PLPPR5: variants seen among roughly 807,000 people sequenced by gnomAD.
The protein encoded by PLPPR5 is phospholipid phosphatase related 5.
A neutral mutation model predicts 33.9 loss-of-function variants in PLPPR5; 16 were observed. The ratio of observed to expected loss-of-function variants is 0.47; its 90% CI spans 0.32 to 0.72. The LOEUF is 0.72. Among genes scored for constraint, PLPPR5 ranks in the 30% least tolerant of loss-of-function variants. The pLI is 0.03. For missense variants in PLPPR5, 301 were observed against 406.7 expected, an observed-to-expected ratio of 0.74 and a Z score of 2.23; for synonymous variants, 163 against 150.3, an observed-to-expected ratio of 1.08 and a Z score of -0.62.
At chr1:98,893,798 T>G (rs1648371956) in intron 5 of PLPPR5, among the ~76,000 whole-genome samples, 1 of 151,924 alleles carries the variant, frequency 6.6e-6, no homozygotes, top group African/African-American at 2.4e-5. Context: ...TATGTCAAGA[T>G]CTAATATGAC....
At chr1:98,957,084 G>A (rs1651037605) in intron 1 of PLPPR5, among the ~76,000 whole-genome samples, 1 of 148,698 alleles carries the variant, frequency 6.7e-6, no homozygotes, top group African/African-American at 2.5e-5. Flanking sequence ...ACTATCGCAA[G>A]AACAAAAAAC....
intron 1 of PLPPR5, among the ~76,000 whole-genome samples, chr1:98,972,464 A>C (rs1036967672): frequency 3.9e-5 from 6 of 152,090 alleles, no homozygotes; most frequent in African/African-American, 1.4e-4. Flanking sequence ...GTAAAACAAT[A>C]TGAAAGTGAA....
chr1:98,970,437 G>T (rs935434035), intron 1 of PLPPR5, among the ~76,000 whole-genome samples: 2 of 151,824 alleles, frequency 1.3e-5, no homozygotes, highest in Non-Finnish European at 2.9e-5. Context: ...CAATTTAAGG[G>T]TTTCTAATAC....
chr1:98,916,523 T>C (rs1320031854), intron 4 of PLPPR5, among the ~76,000 whole-genome samples: 1 of 152,260 alleles, frequency 6.6e-6, no homozygotes, highest in Non-Finnish European at 1.5e-5. Flanking sequence ...TTTGCAGCCT[T>C]ACAACCTTTG....
At chr1:98,930,885 C>T (rs912984943) in intron 3 of PLPPR5, among the ~76,000 whole-genome samples, 5 of 152,156 alleles carry the variant, frequency 3.3e-5, no homozygotes, top group African/African-American at 1.2e-4. Flanking sequence ...TGAGTCCCCA[C>T]CCAGCTTCCA....
At chr1:98,924,798 A>G (rs914264395) in intron 3 of PLPPR5, among the ~76,000 whole-genome samples, 1 of 152,162 alleles carries the variant, frequency 6.6e-6, no homozygotes, top group Non-Finnish European at 1.5e-5. Flanking sequence ...GTCTAGCCAC[A>G]ATGCAAACTC....
At chr1:98,937,781 G>A (rs1016869273) in intron 3 of PLPPR5, among the ~76,000 whole-genome samples, 1 of 152,198 alleles carries the variant, frequency 6.6e-6, no homozygotes, top group Non-Finnish European at 1.5e-5. Flanking sequence ...CAGAGTCTGT[G>A]AGCATAGTAA....
intron 1 of PLPPR5, among the ~76,000 whole-genome samples, chr1:98,998,752 T>G (rs1387583951): frequency 1.3e-5 from 2 of 152,170 alleles, no homozygotes; most frequent in East Asian, 3.9e-4. Context: ...TTTCATAAAT[T>G]TGTTGTGAAA....
intron 5 of PLPPR5, among the ~76,000 whole-genome samples, chr1:98,893,836 T>C (rs190200780): frequency 1.3e-5 from 2 of 151,990 alleles, no homozygotes; most frequent in Admixed American, 6.6e-5. Flanking sequence ...AACATCAGCA[T>C]TACAAAAGGG....
intron 1 of PLPPR5, among the ~76,000 whole-genome samples, chr1:98,977,521 T>G (rs309061): frequency 0.1 from 15,095 of 148,340 alleles, 931 homozygotes; most frequent in African/African-American, 0.16. Flanking sequence ...TATGACTATT[T>G]GCTTTTGATC....
intron 1 of PLPPR5, among the ~76,000 whole-genome samples, chr1:98,992,134 C>G (rs1307146593): frequency 6.6e-6 from 1 of 152,074 alleles, no homozygotes; most frequent in African/African-American, 2.4e-5. Flanking sequence ...TTGGAGCTGT[C>G]TAAATTAAAG....
chr1:98,956,997 T>C lies in PLPPR5; in HGVS notation c.238-256A>G, dbSNP rs1371812836. Among the ~76,000 whole-genome samples the C allele has an allele frequency of 4.6e-5, 7 of 152,138 alleles. No individual in the cohort carries two copies. The East Asian group carries it at 1.2e-3, about 25-fold the overall frequency. On this transcript the variant is annotated intron_variant, in intron 1 of 5. Coordinates refer to ENST00000263177, the MANE Select transcript of PLPPR5 (RefSeq NM_001037317.2). ...GTGGCACATATACACCATGGAATAC[T>C]ATGCAGCCATAAAAAATGATGAGTT...
chr1:98,917,119 G>A (rs961489436), intron 4 of PLPPR5, among the ~76,000 whole-genome samples: 1 of 151,978 alleles, frequency 6.6e-6, no homozygotes, highest in Non-Finnish European at 1.5e-5. Context: ...CTCTGGACAC[G>A]TTCAAGGAAA....
chr1:98,935,103 T>A (rs1650128495), intron 3 of PLPPR5, among the ~76,000 whole-genome samples: 1 of 152,220 alleles, frequency 6.6e-6, no homozygotes, highest in Non-Finnish European at 1.5e-5. Flanking sequence ...GGGTATATAA[T>A]TTGTAGGGTC....
intron 5 of PLPPR5, among the ~76,000 whole-genome samples, chr1:98,893,910 G>T (rs1401554902): frequency 6.6e-6 from 1 of 151,648 alleles, no homozygotes; most frequent in Non-Finnish European, 1.5e-5. Flanking sequence ...ATTTGCATTG[G>T]ATTTTTATAA....
At chr1:98,994,508 T>C (rs1258159381) in intron 1 of PLPPR5, among the ~76,000 whole-genome samples, 1 of 152,116 alleles carries the variant, frequency 6.6e-6, no homozygotes, top group African/African-American at 2.4e-5. Context: ...CTAACAAATT[T>C]TGTATGTCTA....
intron 1 of PLPPR5, among the ~76,000 whole-genome samples, chr1:98,998,559 G>A (rs1482081475): frequency 6.6e-6 from 1 of 152,126 alleles, no homozygotes; most frequent in Non-Finnish European, 1.5e-5. Flanking sequence ...CATTGAAATC[G>A]AGGATAAAAG....
intron 5 of PLPPR5, among the ~76,000 whole-genome samples, chr1:98,895,324 G>A (rs927975897): frequency 6.6e-6 from 1 of 151,942 alleles, no homozygotes; most frequent in Admixed American, 6.6e-5. Flanking sequence ...TACCAGATGT[G>A]AGCACCTTGA....
At chr1:98,932,333 AAC>A (rs1650007059) in intron 3 of PLPPR5, among the ~76,000 whole-genome samples, 1 of 152,200 alleles carries the variant, frequency 6.6e-6, no homozygotes, top group Non-Finnish European at 1.5e-5. Context: ...AGTTTCAAAC[AAC>A]TGAGTTAAAA....
Sources: allele counts gnomAD v4.1 joint callset (sites outside exome capture counted in the v4.1 genomes callset), GRCh38; gene constraint gnomAD v4.1.1; transcripts MANE v1.5; gene names NCBI Gene and HGNC (gene_info 2026-07-23, HGNC 2026-07-21).